The following PDSS2 variants were observed in gnomAD, a reference collection of about 807,000 sequenced individuals.
The protein encoded by PDSS2 is decaprenyl diphosphate synthase subunit 2.
A neutral mutation model predicts 44.5 loss-of-function variants in PDSS2; 31 were observed. That is an observed-to-expected ratio of 0.70 (90% CI 0.52 to 0.94). The LOEUF is 0.94. PDSS2 is among the 40% of genes least tolerant of loss of function. The probability of loss-of-function intolerance (pLI) is 0.00; values close to 1 mark genes in which losing one functional copy is unlikely to be tolerated. For synonymous variants in PDSS2, 157 were observed against 180.3 expected (o/e 0.87, Z 1.03); for missense variants, 452 against 482.2 (o/e 0.94, Z 0.59).
intron 2 of PDSS2, among the ~76,000 whole-genome samples, chr6:107,296,609 C>T (rs969632223): frequency 6.6e-6 from 1 of 152,130 alleles, no homozygotes; most frequent in Admixed American, 6.5e-5. Context: ...AGCCTGTAAT[C>T]CCAGCTACTC....
At position 107,380,296 on chromosome 6, in the gene PDSS2, A is replaced by G. The variant is rs531677780; in HGVS notation, c.297-45964T>C. On this transcript the variant is annotated intron_variant, in intron 1 of 7. Coordinates refer to ENST00000369037, the MANE Select transcript of PDSS2 (RefSeq NM_020381.4). ...AGGTATTGTGGAAGGGAAGCAATCT[A>G]TACTCCTATAATTAAATCTCAGTAT... is the stretch of plus-strand genomic sequence containing the variant. Among the ~76,000 whole-genome samples, 9 of 152,302 alleles carry G rather than the reference A, an allele frequency of 5.9e-5. No homozygotes were observed. The East Asian group carries it at 1.7e-3, about 29-fold the overall frequency.
At chr6:107,259,703 T>G (rs560799437) in intron 3 of PDSS2, among the ~76,000 whole-genome samples, 1 of 150,278 alleles carries the variant, frequency 6.7e-6, no homozygotes, top group Non-Finnish European at 1.5e-5. Flanking sequence ...AAAGAAAAAA[T>G]GAAAGAGAAA....
chr6:107,285,911 G>A (rs1328517244), intron 2 of PDSS2, among the ~76,000 whole-genome samples: 2 of 152,118 alleles, frequency 1.3e-5, no homozygotes, highest in African/African-American at 4.8e-5. Context: ...AGGCCAAGGC[G>A]AGTGGATCAC....
At chr6:107,169,070 G>A (rs1223924063) in intron 7 of PDSS2, among the ~76,000 whole-genome samples, 10 of 152,162 alleles carry the variant, frequency 6.6e-5, no homozygotes, top group Middle Eastern at 3.4e-3. Context: ...CCTGCAGAGT[G>A]TTTTCCAACT....
chr6:107,208,850 T>C (rs1261902661), intron 6 of PDSS2, among the ~76,000 whole-genome samples: 4 of 151,862 alleles, frequency 2.6e-5, no homozygotes, highest in Non-Finnish European at 2.9e-5. Context: ...TGTGAGCCAC[T>C]GTGCCCAGCC....
intron 2 of PDSS2, among the ~76,000 whole-genome samples, chr6:107,295,106 G>T (rs1215952919): frequency 1.3e-5 from 2 of 152,088 alleles, no homozygotes; most frequent in South Asian, 4.2e-4. Flanking sequence ...TAATTTTTTT[G>T]TATTTTTAGT....
intron 2 of PDSS2, among the ~76,000 whole-genome samples, chr6:107,301,047 C>T (rs1229436529): frequency 1.3e-5 from 2 of 152,302 alleles, no homozygotes; most frequent in Admixed American, 6.5e-5. Flanking sequence ...GAAATAAGCA[C>T]TCATGGATTT....
chr6:107,366,778 C>G (rs754008407), intron 1 of PDSS2, among the ~76,000 whole-genome samples: 1 of 151,790 alleles, frequency 6.6e-6, no homozygotes, highest in East Asian at 1.9e-4. Context: ...AACTTAAGAA[C>G]ACACAGAAAA....
rs564561893 is a variant in PDSS2, at chr6:107,423,930, C to T, written c.296+35060G>A. Among the ~76,000 whole-genome samples, 3 of 151,942 alleles carry T rather than the reference C, an allele frequency of 2.0e-5. 1 individual carries two copies. In the South Asian group the frequency reaches 6.2e-4, roughly 32 times the overall value. ...TTAAAATTTTTCTTCTTCCATAAAGCCTTTGGTTTAGCCAGCCCACAGTGT... is the reference window on the plus strand; with the variant it reads ...TTAAAATTTTTCTTCTTCCATAAAGTCTTTGGTTTAGCCAGCCCACAGTGT... On this transcript the variant is annotated intron_variant, in intron 1 of 7. Transcript: ENST00000369037.
At chr6:107,402,435 T>TAC (rs1156716666) in intron 1 of PDSS2, among the ~76,000 whole-genome samples, 22 of 144,996 alleles carry the variant, frequency 1.5e-4, no homozygotes, top group South Asian at 1.1e-3. Context: ...GTAATATATA[T>TAC]ATACACACAC....
At chr6:107,219,078 T>TA (rs949658821) in intron 4 of PDSS2, among the ~76,000 whole-genome samples, 3 of 150,960 alleles carry the variant, frequency 2.0e-5, no homozygotes, top group African/African-American at 4.9e-5. Flanking sequence ...AAAAATTAAT[T>TA]AAAAAAAAAT....
At chr6:107,337,039 C>CCACA (rs71861456) in intron 1 of PDSS2, among the ~76,000 whole-genome samples, 15,936 of 140,972 alleles carry the variant, frequency 0.11, 943 homozygotes, top group Non-Finnish European at 0.13. Flanking sequence ...CTTTCACATA[C>CCACA]CACACACACA....
At chr6:107,209,989 A>G (rs1338042704) in intron 6 of PDSS2, among the ~76,000 whole-genome samples, 1 of 151,472 alleles carries the variant, frequency 6.6e-6, no homozygotes, top group Non-Finnish European at 1.5e-5. Context: ...CCCCGCTTTG[A>G]TAATGCCTCA....
intron 1 of PDSS2, among the ~76,000 whole-genome samples, chr6:107,364,797 C>T (rs1037292661): frequency 2.0e-5 from 3 of 152,228 alleles, no homozygotes; most frequent in Non-Finnish European, 4.4e-5. Flanking sequence ...TGCCAGCATG[C>T]TGTCACCTCT....
intron 4 of PDSS2, among the ~76,000 whole-genome samples, chr6:107,225,955 T>C (rs945697634): frequency 6.6e-6 from 1 of 152,208 alleles, no homozygotes; most frequent in African/African-American, 2.4e-5. Flanking sequence ...CAGAGAGTTC[T>C]TGCTCTCATA....
chr6:107,420,934 T>C (rs77059915), intron 1 of PDSS2, among the ~76,000 whole-genome samples: 5,731 of 152,212 alleles, frequency 0.038, 354 homozygotes, highest in African/African-American at 0.13. Flanking sequence ...AGAAAATATT[T>C]GCAAATTTTA....
chr6:107,387,920 T>G (rs575222689), intron 1 of PDSS2, among the ~76,000 whole-genome samples: 15 of 152,234 alleles, frequency 9.9e-5, no homozygotes, highest in Non-Finnish European at 1.5e-4. Flanking sequence ...GAGAAGAATG[T>G]CATCAAAATA....
intron 1 of PDSS2, among the ~76,000 whole-genome samples, chr6:107,341,738 C>T (rs931597856): frequency 1.3e-5 from 2 of 152,140 alleles, no homozygotes; most frequent in African/African-American, 4.8e-5. Flanking sequence ...AAACCAGGGC[C>T]AGTAGTTGTA....
At chr6:107,279,343 T>A (rs1449286406) in intron 2 of PDSS2, among the ~76,000 whole-genome samples, 1 of 152,208 alleles carries the variant, frequency 6.6e-6, no homozygotes, top group Admixed American at 6.5e-5. Context: ...TTTGTCCAAT[T>A]TTTATCCCTA....
Sources: gnomAD v4.1 joint callset for allele counts (sites outside exome capture counted in the v4.1 genomes callset) on GRCh38, gnomAD v4.1.1 for gene constraint, MANE v1.5 for transcripts, NCBI Gene and HGNC (gene_info 2026-07-23, HGNC 2026-07-21) for gene names.